NCOA2: variants seen among roughly 807,000 people sequenced by gnomAD.
NCOA2 encodes the protein nuclear receptor coactivator 2, also known as class E basic helix-loop-helix protein 75.
Under a neutral mutation model 145.1 loss-of-function variants are expected in NCOA2, and 21 were observed. The ratio of observed to expected loss-of-function variants is 0.14; its 90% CI spans 0.10 to 0.21. The LOEUF is 0.21. NCOA2 is among the 10% of genes least tolerant of loss of function. NCOA2 has a pLI of 1.00. For synonymous variants in NCOA2, 619 were observed against 637.5 expected, an observed-to-expected ratio of 0.97 and a Z score of 0.44; for missense variants, 1,472 against 1,837.6, an observed-to-expected ratio of 0.80 and a Z score of 3.64.
At chr8:70,352,548 G>A (rs1809340533) in intron 1 of NCOA2, among the ~76,000 whole-genome samples, 2 of 152,094 alleles carry the variant, frequency 1.3e-5, no homozygotes, top group South Asian at 4.1e-4. Context: ...TCCTATATAA[G>A]TTTAAATTAA....
At chr8:70,203,821 C>A (rs975178555) in intron 4 of NCOA2, among the ~76,000 whole-genome samples, 1 of 152,154 alleles carries the variant, frequency 6.6e-6, no homozygotes. Flanking sequence ...TAAATGTACT[C>A]GGCAAATTCT....
chr8:70,126,760 G>A, intron 19 of NCOA2, 53 bp downstream of exon 19: 3 of 1,450,644 alleles, frequency 2.1e-6, no homozygotes, highest in Non-Finnish European at 2.9e-6. Context: ...CAACACTGGG[G>A]GACACTGGGG....
the NCOA2 span, among the ~76,000 whole-genome samples, chr8:70,442,385 TC>T: frequency 4.5e-3 from 682 of 152,298 alleles, 8 homozygotes; most frequent in African/African-American, 0.016. Flanking sequence ...TACACATAAA[TC>T]CCTCAAGCAA....
intron 4 of NCOA2, among the ~76,000 whole-genome samples, chr8:70,183,873 T>C (rs1035734379): frequency 2.0e-5 from 3 of 152,132 alleles, no homozygotes; most frequent in Admixed American, 6.5e-5. Flanking sequence ...GCCTGGCACA[T>C]AGTGGGCGCT....
intron 1 of NCOA2, among the ~76,000 whole-genome samples, chr8:70,301,515 C>T (rs1292308090): frequency 6.6e-6 from 1 of 151,618 alleles, no homozygotes; most frequent in Admixed American, 6.6e-5. Context: ...ATTAGCTAGG[C>T]ATGGTGGCGC....
At chr8:70,287,901 T>C (rs1023101244) in intron 2 of NCOA2, among the ~76,000 whole-genome samples, 3 of 152,134 alleles carry the variant, frequency 2.0e-5, no homozygotes, top group Non-Finnish European at 4.4e-5. Flanking sequence ...AAATTACTAG[T>C]TAATTCTTTT....
At chr8:70,252,788 G>A (rs978433503) in intron 2 of NCOA2, among the ~76,000 whole-genome samples, 22 of 152,256 alleles carry the variant, frequency 1.4e-4, no homozygotes, top group Middle Eastern at 6.8e-3. Flanking sequence ...AAATAGAATT[G>A]TCGAAGACAA....
the NCOA2 span, among the ~76,000 whole-genome samples, chr8:70,441,928 G>GAGA: frequency 7.1e-6 from 1 of 141,258 alleles, no homozygotes; most frequent in Non-Finnish European, 1.5e-5. Flanking sequence ...TCACAGGTGG[G>GAGA]AGAAGAAGAA....
chr8:70,168,794 A>C (rs368955398), intron 6 of NCOA2, among the ~76,000 whole-genome samples: 1 of 152,358 alleles, frequency 6.6e-6, no homozygotes, highest in South Asian at 2.1e-4. Context: ...TGAATTAATA[A>C]GTAGAAGTCT....
intron 1 of NCOA2, among the ~76,000 whole-genome samples, chr8:70,325,915 T>TCTA (rs929722111): frequency 1.3e-5 from 2 of 152,060 alleles, no homozygotes; most frequent in African/African-American, 4.8e-5. Context: ...CCACCAACAT[T>TCTA]CTAAGTAGCT....
At chr8:70,374,270 G>C (rs774838344) in intron 1 of NCOA2, among the ~76,000 whole-genome samples, 1 of 151,768 alleles carries the variant, frequency 6.6e-6, no homozygotes, top group African/African-American at 2.4e-5. Context: ...TCAGGAGTTC[G>C]AGACCAGCCT....
the NCOA2 span, among the ~76,000 whole-genome samples, chr8:70,426,309 T>G: frequency 2.0e-5 from 3 of 152,206 alleles, no homozygotes; most frequent in African/African-American, 7.2e-5. Flanking sequence ...ACATTCATAC[T>G]AAAATAAAAC....
intron 2 of NCOA2, among the ~76,000 whole-genome samples, chr8:70,255,597 G>A (rs372618208): frequency 2.6e-5 from 4 of 152,142 alleles, no homozygotes; most frequent in African/African-American, 9.7e-5. Context: ...GAGCCCTATC[G>A]TGGAATCTAT....
intron 9 of NCOA2, among the ~76,000 whole-genome samples, 193 bp downstream of exon 9, chr8:70,162,518 G>A (rs1813144425): frequency 6.6e-6 from 1 of 152,086 alleles, no homozygotes; most frequent in Non-Finnish European, 1.5e-5. Flanking sequence ...ATCATCTCCT[G>A]TTCTACTTTC....
the NCOA2 span, among the ~76,000 whole-genome samples, chr8:70,430,893 C>A: frequency 1.3e-5 from 2 of 152,080 alleles, no homozygotes; most frequent in South Asian, 2.1e-4. Context: ...TAATAAATAA[C>A]GGGTTTTTTT....
At chr8:70,264,725 G>T (rs556109039) in intron 2 of NCOA2, among the ~76,000 whole-genome samples, 1 of 152,000 alleles carries the variant, frequency 6.6e-6, no homozygotes, top group South Asian at 2.1e-4. Flanking sequence ...GAAAAAATTA[G>T]AAACAACCTA....
chr8:70,209,561 G>T (rs184987055), intron 4 of NCOA2, among the ~76,000 whole-genome samples: 1 of 152,014 alleles, frequency 6.6e-6, no homozygotes, highest in African/African-American at 2.4e-5. Flanking sequence ...TTAAGAAATC[G>T]TTATAGCCAC....
rs984622232 is a variant in NCOA2 at position 70,251,966 on chromosome 8, C to T, written c.-19-35202G>A. Among the ~76,000 whole-genome samples the T allele has an allele frequency of 2.0e-5, 3 of 152,222 alleles. No homozygotes were observed. In the South Asian group the frequency reaches 6.2e-4, roughly 32 times the overall value. ...ACTCAAATCCTCAGATGCTCAAGTT[C>T]CTGATATAAAATGATATTTGCTTAT... On this transcript the variant is annotated intron_variant, in intron 2 of 22. Transcript: ENST00000452400.
rs771062028 is a variant in NCOA2 at position 70,156,478 on chromosome 8, C to A, written c.1887G>T (p.Gln629His). 1.2e-6 allele frequency: 2 copies of A among 1,613,812 alleles called. No individual in the cohort carries two copies. Among genetic ancestry groups the A allele is most frequent in the Non-Finnish European group, 8.5e-7 (1 of 1,179,906 alleles). Residue 629 changes from glutamine (Q) to histidine (H), a missense_variant, in exon 11 of 23, where the codon CAG becomes CAT. This residue lies in a region of NCOA2 where 953 missense variants were observed against 1,062.1 expected (regional missense o/e 0.90). Coordinates refer to ENST00000452400, the MANE Select transcript of NCOA2 (RefSeq NM_006540.4). ...PAVSSERADG[Q>H]SRLHDSKGQT... The stretch of plus-strand genomic sequence containing the variant: ...GCCCTTTGCTGTCATGCAGTCTGCT[C>A]TGCCCGTCAGCTCTCTCACTGCTCA...
Sources: gnomAD v4.1 joint callset for allele counts (sites outside exome capture counted in the v4.1 genomes callset) on GRCh38, gnomAD v4.1.1 for gene constraint, gnomAD v4.1.1 regional missense constraint, MANE v1.5 for transcripts, NCBI Gene and HGNC (gene_info 2026-07-23, HGNC 2026-07-21) for gene names.